The following STX7 variants were observed in gnomAD, a reference collection of about 807,000 sequenced individuals.
The protein encoded by STX7 is syntaxin-7.
STX7 carries 34 observed loss-of-function variants against 39.6 expected under a neutral mutation model. The ratio of observed to expected loss-of-function variants is 0.86; its 90% CI spans 0.65 to 1.14. The LOEUF (loss-of-function observed/expected upper bound fraction) is 1.14, where lower values mean the gene tolerates loss of function less well. STX7 is among the 50% of genes most tolerant of loss of function. The pLI, the probability that STX7 is intolerant of heterozygous loss-of-function variation, is 0.00. For missense variants in STX7, 284 were observed against 310.4 expected, an observed-to-expected ratio of 0.92 and a Z score of 0.64; for synonymous variants, 119 against 99.1, an observed-to-expected ratio of 1.20 and a Z score of -1.19.
At chr6:132,461,548 G>C (rs559785314) in intron 9 of STX7, among the ~76,000 whole-genome samples, 1 of 152,126 alleles carries the variant, frequency 6.6e-6, no homozygotes, top group African/African-American at 2.4e-5. Context: ...CTCACCTCAT[G>C]ATCTGCCCAC....
At chr6:132,502,875 G>A (rs1372303998) in intron 2 of STX7, among the ~76,000 whole-genome samples, 2 of 152,050 alleles carry the variant, frequency 1.3e-5, no homozygotes, top group African/African-American at 2.4e-5. Context: ...CTCCAGCCTG[G>A]GCGACAGAGT....
In STX7 at chr6:132,452,058, C is replaced by T. The variant is rs1774146393; in HGVS notation, c.*8700G>A. 6.6e-6 allele frequency: 1 copy of T among 152,062 alleles called. No homozygotes were observed. Among genetic ancestry groups the T allele is most frequent in the Non-Finnish European group, 1.5e-5 (1 of 68,004 alleles). The allele number at this position is 152,062 out of a possible 1,614,324, so 9.4% of individuals were successfully genotyped here. On this transcript the variant is annotated 3_prime_UTR_variant, in exon 10 of 10. Transcript: ENST00000367941. ...TACACCACGACCAAGTGGAGTTTAT[C>T]TCAGGGATGTAACAATGGCTCAACA...
chr6:132,500,537 GTCA>G (rs1239681536), intron 2 of STX7, among the ~76,000 whole-genome samples: 1 of 152,124 alleles, frequency 6.6e-6, no homozygotes, highest in African/African-American at 2.4e-5. Context: ...AGCTTCCCCA[GTCA>G]CTTGCTCTCA....
chr6:132,476,634 G>GA (rs1464195391), intron 2 of STX7, among the ~76,000 whole-genome samples: 2 of 152,070 alleles, frequency 1.3e-5, no homozygotes, highest in Non-Finnish European at 2.9e-5. Flanking sequence ...AACAAAAGTT[G>GA]AAAAATGCCC....
Position 132,447,251 on chromosome 6 carries a change from T to A in STX7, c.*13507A>T, listed in dbSNP as rs192875748. On this transcript the variant is annotated 3_prime_UTR_variant, in exon 10 of 10. Transcript: ENST00000367941. ...GATTAGCTGACTGACATAGAGCGTT[T>A]CTTATCAGTCAACAAAACTATTTCC... 19 of 152,304 alleles carry A rather than the reference T, an allele frequency of 1.2e-4. No individual in the cohort carries two copies. The East Asian group carries it at 3.5e-3, about 28-fold the overall frequency. 9.4% of individuals were successfully genotyped at this position (152,304 alleles called of 1,614,324 possible). A position where few individuals can be genotyped will look rare whatever the true frequency, so the allele number is the denominator to read the frequency against.
intron 1 of STX7, among the ~76,000 whole-genome samples, 158 bp from the exon 2 acceptor site, chr6:132,503,746 TAA>T (rs34969231): frequency 0.021 from 3,015 of 143,740 alleles, 83 homozygotes; most frequent in African/African-American, 0.07. Context: ...TCATGTCTAC[TAA>T]AAAAAAAAAA....
chr6:132,507,483 T>G (rs1263967315), intron 1 of STX7, among the ~76,000 whole-genome samples: 1 of 152,248 alleles, frequency 6.6e-6, no homozygotes, highest in Non-Finnish European at 1.5e-5. Context: ...CCAACCTCAC[T>G]GGCCAAAGGT....
chr6:132,494,233 G>GA (rs909391721), intron 2 of STX7, among the ~76,000 whole-genome samples: 23 of 148,954 alleles, frequency 1.5e-4, no homozygotes, highest in Non-Finnish European at 2.8e-4. Flanking sequence ...AATAACAAGA[G>GA]AAAAAAAAAG....
At chr6:132,486,664 G>GTTTTTTTTTTTT (rs386408642) in intron 2 of STX7, among the ~76,000 whole-genome samples, 1 of 125,144 alleles carries the variant, frequency 8.0e-6, no homozygotes, top group Non-Finnish European at 1.7e-5. Context: ...TTTTTTCTGG[G>GTTTTTTTTTTTT]TTTTTTTTTT....
chr6:132,497,146 C>G (rs1234473926), intron 2 of STX7, among the ~76,000 whole-genome samples: 1 of 152,044 alleles, frequency 6.6e-6, no homozygotes, highest in Non-Finnish European at 1.5e-5. Flanking sequence ...ATTGTTCATC[C>G]TAGCAAAAAA....
Position 132,460,267 on chromosome 6 carries a change from T to A in STX7, c.*491A>T, listed in dbSNP as rs72996902. 4,319 of 152,330 alleles carry A rather than the reference T, an allele frequency of 0.028. 92 individuals are homozygous for A. Among genetic ancestry groups the A allele is most frequent in the Non-Finnish European group, 0.045 (3,037 of 68,034 alleles). 9.4% of individuals were successfully genotyped at this position (152,330 alleles called of 1,614,324 possible). On this transcript the variant is annotated 3_prime_UTR_variant, in exon 10 of 10. Transcript: ENST00000367941. ...AAATGAAAGACACTTTGTGCTGTTGTGAACCAGAAAAATACAACCCATGTA... is the reference window on the plus strand; with the variant it reads ...AAATGAAAGACACTTTGTGCTGTTGAGAACCAGAAAAATACAACCCATGTA...
Position 132,475,657 on chromosome 6 carries a change from C to T in STX7, c.91G>A (p.Glu31Lys). Residue 31 changes from glutamate to lysine, a missense_variant, in exon 3 of 10, where the codon GAA becomes AAA. Transcript: ENST00000367941. ...AGTTGATTCAGAGTTCTTTGTATTT[C>T]CACAGCTATTATAATAGAAAATTCA... ...NIQKITQCSV[E>K]IQRTLNQLGT... is the part of the protein sequence containing the mutation. 6.2e-7 allele frequency: 1 copy of T among 1,601,572 alleles called. No individual in the cohort carries two copies. Among genetic ancestry groups the T allele is most frequent in the Non-Finnish European group, 8.5e-7 (1 of 1,173,258 alleles).
Position 132,492,899 on chromosome 6 carries a change from T to C in STX7, c.85+10547A>G, listed in dbSNP as rs546345782. Among the ~76,000 whole-genome samples the C allele has an allele frequency of 6.6e-5, 10 of 152,306 alleles. No homozygotes were observed. The South Asian group carries it at 2.1e-3, about 32-fold the overall frequency. ...ATACCATACAACTAAAATCACTGGG[T>C]GTACTTGGGCCACCCTGCCCCACTC... is the stretch of plus-strand genomic sequence containing the variant. On this transcript the variant is annotated intron_variant, in intron 2 of 9. Transcript: ENST00000367941.
chr6:132,461,438 C>T (rs1424423096), intron 9 of STX7, among the ~76,000 whole-genome samples: 1 of 152,076 alleles, frequency 6.6e-6, no homozygotes, highest in Admixed American at 6.6e-5. Flanking sequence ...TCCCAAGTAG[C>T]TGGGATTACA....
chr6:132,496,649 G>C (rs1306141386), intron 2 of STX7, among the ~76,000 whole-genome samples: 1 of 152,076 alleles, frequency 6.6e-6, no homozygotes, highest in Admixed American at 6.6e-5. Flanking sequence ...AAAAACTTTG[G>C]TTAGAATTAT....
chr6:132,478,165 C>A (rs977729601), intron 2 of STX7, among the ~76,000 whole-genome samples: 1 of 151,664 alleles, frequency 6.6e-6, no homozygotes, highest in Admixed American at 6.6e-5. Flanking sequence ...ACGTTCTGTA[C>A]ATGTATCCCA....
Position 132,460,024 on chromosome 6 carries a change from C to G in STX7, c.*734G>C, listed in dbSNP as rs929567816. The G allele has an allele frequency of 2.0e-5, 3 of 152,120 alleles. No homozygotes were observed. The highest frequency in any genetic ancestry group is 7.2e-5 in the African/African-American group (3 of 41,430). The allele number at this position is 152,120 out of a possible 1,614,324, so 9.4% of individuals were successfully genotyped here. A position where few individuals can be genotyped will look rare whatever the true frequency, so the allele number is the denominator to read the frequency against. Reference sequence around the variant, plus strand: ...TAGGTATTGGTATTGGTTGTTCATACTCTTCTTCCAAATTATGTTAAACAT... The same window carrying G: ...TAGGTATTGGTATTGGTTGTTCATAGTCTTCTTCCAAATTATGTTAAACAT... On this transcript the variant is annotated 3_prime_UTR_variant, in exon 10 of 10. Transcript: ENST00000367941.
chr6:132,513,468 A>AGT (rs1467156324), upstream of STX7, among the ~76,000 whole-genome samples: 5 of 152,238 alleles, frequency 3.3e-5, no homozygotes, highest in Non-Finnish European at 7.3e-5. Flanking sequence ...TGCAAAGGCG[A>AGT]GTACACAATC....
At position 132,504,239 on chromosome 6, in the gene STX7, G is replaced by C. The variant is rs1320882833; in HGVS notation, c.-58-651C>G. ...ATAGGGCTCTAATTTTAATGGAAAA[G>C]GTTAAATCTGAAATAGCAGAGCCAA... On this transcript the variant is annotated intron_variant, in intron 1 of 9. Transcript: ENST00000367941. Among the ~76,000 whole-genome samples the C allele has an allele frequency of 2.6e-5, 4 of 152,264 alleles. No homozygotes were observed. In the South Asian group the frequency reaches 6.2e-4, roughly 24 times the overall value.
Sources: gnomAD v4.1 joint callset for allele counts (sites outside exome capture counted in the v4.1 genomes callset) on GRCh38, gnomAD v4.1.1 for gene constraint, MANE v1.5 for transcripts, NCBI Gene and HGNC (gene_info 2026-07-23, HGNC 2026-07-21) for gene names.